STK32A: variants seen among roughly 807,000 people sequenced by gnomAD.
The protein encoded by STK32A is serine/threonine-protein kinase 32A.
Under a neutral mutation model 53.2 loss-of-function variants are expected in STK32A, and 41 were observed. That is an observed-to-expected ratio of 0.77 (90% CI 0.60 to 1.00). The LOEUF (loss-of-function observed/expected upper bound fraction) is 1.00. Among genes scored for constraint, STK32A ranks in the 50% least tolerant of loss-of-function variants. STK32A has a pLI of 0.00. For synonymous variants in STK32A, 166 were observed against 162.8 expected (o/e 1.02, Z -0.15); for missense variants, 458 against 485.8 (o/e 0.94, Z 0.54).
Position 147,269,256 on chromosome 5 carries a change from C to T in STK32A, c.53-8868C>T, listed in dbSNP as rs117349165. On this transcript the variant is annotated intron_variant, in intron 2 of 12. Coordinates refer to ENST00000397936, the MANE Select transcript of STK32A (RefSeq NM_001112724.2). ...TACTATGAATTTTTCTGTTGTTCCA[C>T]TAGACTGTAGGACCCCTGAAGGCAG... Among the ~76,000 whole-genome samples the T allele has an allele frequency of 9.8e-4, 150 of 152,290 alleles. 2 individuals are homozygous for T. In the East Asian group the frequency reaches 0.024, roughly 25 times the overall value.
At chr5:147,316,907 A>C (rs1050215125) in intron 4 of STK32A, among the ~76,000 whole-genome samples, 1 of 150,476 alleles carries the variant, frequency 6.6e-6, no homozygotes, top group African/African-American at 2.4e-5. Context: ...TACCTTTCCT[A>C]TATGAACTGT....
intron 6 of STK32A, among the ~76,000 whole-genome samples, chr5:147,344,431 A>G (rs1316413243): frequency 6.6e-6 from 1 of 152,176 alleles, no homozygotes; most frequent in Non-Finnish European, 1.5e-5. Context: ...ATTCTCAGAA[A>G]TGTGAGCAAT....
rs113878514 is a variant in STK32A, at chr5:147,242,643, C to G, written c.52+2957C>G. On this transcript the variant is annotated intron_variant, in intron 2 of 12. Transcript: ENST00000397936. ...AGTTCAAGAACAGGAAAAACAAGTC[C>G]AAAATCCAAATAATGACAAAATCAG... 4.1e-3 allele frequency among the ~76,000 whole-genome samples: 628 copies of G among 152,220 alleles called. 3 individuals are homozygous for G. The highest frequency in any genetic ancestry group is 0.014 in the African/African-American group (578 of 41,540).
intron 11 of STK32A, among the ~76,000 whole-genome samples, chr5:147,378,289 A>G (rs1371922740): frequency 6.6e-6 from 1 of 152,162 alleles, no homozygotes; most frequent in African/African-American, 2.4e-5. Context: ...GATTGAGCAG[A>G]GGTAGGTGAG....
chr5:147,283,470 CA>C (rs35437278), intron 4 of STK32A, among the ~76,000 whole-genome samples: 2,604 of 141,544 alleles, frequency 0.018, 43 homozygotes, highest in African/African-American at 0.047. Context: ...GAAATTGAAA[CA>C]AAAAAAAAAA....
intron 5 of STK32A, among the ~76,000 whole-genome samples, chr5:147,334,970 T>C (rs1010159856): frequency 1.7e-4 from 26 of 152,236 alleles, no homozygotes; most frequent in African/African-American, 6.0e-4. Flanking sequence ...TTCCCTTTTG[T>C]ACATACCTAT....
intron 4 of STK32A, among the ~76,000 whole-genome samples, chr5:147,302,769 G>A (rs1299605631): frequency 6.6e-6 from 1 of 152,100 alleles, no homozygotes; most frequent in Non-Finnish European, 1.5e-5. Context: ...TCAGTTTCCA[G>A]GGCTTAACTT....
intron 7 of STK32A, among the ~76,000 whole-genome samples, chr5:147,353,711 G>A (rs1756093012): frequency 6.6e-6 from 1 of 152,096 alleles, no homozygotes; most frequent in Admixed American, 6.6e-5. Context: ...AGTGAGCCGA[G>A]ACTGTGTCAC....
intron 6 of STK32A, among the ~76,000 whole-genome samples, chr5:147,350,179 C>G (rs370358658): frequency 1.5e-5 from 2 of 129,972 alleles, no homozygotes; most frequent in Non-Finnish European, 3.2e-5. Context: ...CACCGCCCCC[C>G]GCTATCCCTT....
intron 11 of STK32A, among the ~76,000 whole-genome samples, chr5:147,380,651 A>G (rs1224520696): frequency 6.6e-6 from 1 of 152,192 alleles, no homozygotes; most frequent in East Asian, 1.9e-4. Flanking sequence ...AAAGTCATCA[A>G]TAGATGTTGA....
At chr5:147,367,613 G>A (rs915562969) in intron 8 of STK32A, among the ~76,000 whole-genome samples, 2 of 152,136 alleles carry the variant, frequency 1.3e-5, no homozygotes, top group South Asian at 2.1e-4. Context: ...GGTGCTCAGC[G>A]GGGGACGTTT....
At chr5:147,365,467 T>C (rs1756699158) in intron 8 of STK32A, among the ~76,000 whole-genome samples, 1 of 152,126 alleles carries the variant, frequency 6.6e-6, no homozygotes, top group Non-Finnish European at 1.5e-5. Context: ...CATAGGGATA[T>C]TACCTGTTTT....
chr5:147,239,797 A>G, intron 2 of STK32A, 111 bp downstream of exon 2: 3 of 810,226 alleles, frequency 3.7e-6, no homozygotes, highest in South Asian at 1.8e-5. Flanking sequence ...CCTTGAAGGA[A>G]AAAGGCAAAG....
chr5:147,355,376 C>T (rs1238963456), intron 7 of STK32A, among the ~76,000 whole-genome samples: 3 of 152,066 alleles, frequency 2.0e-5, no homozygotes, highest in Non-Finnish European at 2.9e-5. Context: ...TTAGAGTTAA[C>T]CAATTAAAAC....
chr5:147,392,515 G>C (rs959286857), downstream of STK32A: 6 of 152,222 alleles, frequency 3.9e-5, no homozygotes, highest in Admixed American at 6.5e-5. Flanking sequence ...GGATTCCCCA[G>C]AGCATGGAAG....
At chr5:147,311,957 C>T (rs1753719432) in intron 4 of STK32A, among the ~76,000 whole-genome samples, 1 of 152,040 alleles carries the variant, frequency 6.6e-6, no homozygotes, top group Non-Finnish European at 1.5e-5. Context: ...GGGGGAAACA[C>T]AGAGGAGTAA....
intron 5 of STK32A, among the ~76,000 whole-genome samples, chr5:147,325,890 G>T (rs1440769852): frequency 2.0e-5 from 3 of 152,114 alleles, no homozygotes; most frequent in Non-Finnish European, 4.4e-5. Context: ...AGCCTATCTT[G>T]GTTGTGACAT....
Position 147,343,006 on chromosome 5 carries a change from G to A in STK32A, c.435G>A (p.Arg145=), listed in dbSNP as rs1755507124. Residue 145 remains arginine, a splice_region_variant and synonymous_variant, in exon 6 of 13, where the codon AGG becomes AGA. Transcript: ENST00000397936. The part of the protein sequence containing the change: ...DYLQNQRIIH[R]DMKPDNILLD... ...TTCTTTTTTCTTTTTACTCCTCTAG[G>A]GATATGAAGCCTGACAATATTTTAC... The A allele has an allele frequency of 6.2e-7, 1 of 1,613,222 alleles. No individual in the cohort carries two copies. Among genetic ancestry groups the A allele is most frequent in the Non-Finnish European group, 8.5e-7 (1 of 1,179,710 alleles).
intron 10 of STK32A, among the ~76,000 whole-genome samples, chr5:147,374,805 G>A (rs1436679479): frequency 1.3e-5 from 2 of 152,070 alleles, no homozygotes; most frequent in Non-Finnish European, 2.9e-5. Flanking sequence ...TTATTAGAGC[G>A]CACTTTCGGA....
Sources: gnomAD v4.1 joint callset for allele counts (sites outside exome capture counted in the v4.1 genomes callset) on GRCh38, gnomAD v4.1.1 for gene constraint, MANE v1.5 for transcripts, NCBI Gene and HGNC (gene_info 2026-07-23, HGNC 2026-07-21) for gene names.